The following TLL1 variants were observed in gnomAD, a reference collection of about 807,000 sequenced individuals.
TLL1 encodes the protein tolloid-like protein 1.
In TLL1, 49 loss-of-function variants were observed where a neutral mutation model predicts 128.2. The observed-to-expected ratio is 0.38, with a 90% CI of 0.30 to 0.48. TLL1 has a LOEUF of 0.48. Ranked by LOEUF, TLL1 falls within the 20% of genes least tolerant of loss-of-function variation. The probability of loss-of-function intolerance (pLI) is 0.96; values close to 1 mark genes in which losing one functional copy is unlikely to be tolerated. For missense variants in TLL1, 1,123 were observed against 1,242.0 expected (o/e 0.90, Z 1.44); for synonymous variants, 454 against 418.8 (o/e 1.08, Z -1.03).
chr4:166,062,129 T>C (rs1174288484), intron 15 of TLL1, among the ~76,000 whole-genome samples: 1 of 152,184 alleles, frequency 6.6e-6, no homozygotes, highest in African/African-American at 2.4e-5. Context: ...AGCCTTGTAG[T>C]ATAGTTTGAA....
At chr4:166,099,231 T>G in intron 19 of TLL1, 46 bp from the exon 20 acceptor site, 1 of 1,612,858 alleles carries the variant, frequency 6.2e-7, no homozygotes, top group Non-Finnish European at 8.5e-7. Flanking sequence ...ATTGGACCCG[T>G]TAAAGCTCAT....
intron 7 of TLL1, among the ~76,000 whole-genome samples, chr4:166,012,547 G>A (rs903218217): frequency 6.6e-6 from 1 of 151,542 alleles, no homozygotes; most frequent in Admixed American, 6.6e-5. Context: ...AAAAGAAAAT[G>A]GTAAATGCTT....
chr4:166,053,093 G>T (rs1739835605), intron 12 of TLL1: 1 of 150,570 alleles, frequency 6.6e-6, no homozygotes, highest in Admixed American at 6.6e-5. Flanking sequence ...TCCCATAATT[G>T]TACACTCACA....
At chr4:165,973,583 C>T (rs1735729534) in intron 1 of TLL1, among the ~76,000 whole-genome samples, 2 of 151,598 alleles carry the variant, frequency 1.3e-5, no homozygotes, top group South Asian at 4.2e-4. Flanking sequence ...GAGGTAAGGG[C>T]AGATCTTGAG....
intron 1 of TLL1, among the ~76,000 whole-genome samples, chr4:165,968,569 A>C (rs1278271097): frequency 1.3e-5 from 2 of 152,194 alleles, no homozygotes; most frequent in African/African-American, 4.8e-5. Flanking sequence ...TTTTTGCCAA[A>C]ATAGTTAGGT....
intron 6 of TLL1, among the ~76,000 whole-genome samples, chr4:166,006,055 A>C (rs1737411962): frequency 1.3e-5 from 2 of 151,872 alleles, no homozygotes; most frequent in East Asian, 1.9e-4. Context: ...ATCTTCAAAA[A>C]ATTTATGATT....
chr4:165,873,783 TC>T lies in TLL1; in HGVS notation c.-119del. On this transcript the variant is annotated 5_prime_UTR_variant, in exon 1 of 21. Transcript: ENST00000061240. Reference sequence around the variant, plus strand: ...GTTTCCGGACACCTGAGCACCCCGGTCCCGCCGAGGAGCCTCCGGGTGGGGA... The same window carrying T: ...GTTTCCGGACACCTGAGCACCCCGGTCCGCCGAGGAGCCTCCGGGTGGGGA... The T allele has an allele frequency of 8.9e-7, 1 of 1,118,326 alleles. No individual in the cohort carries two copies. The highest frequency in any genetic ancestry group is 1.3e-6 in the Non-Finnish European group (1 of 755,156). 69.3% of individuals were successfully genotyped at this position (1,118,326 alleles called of 1,614,324 possible).
intron 19 of TLL1, 64 bp downstream of exon 19, chr4:166,091,405 T>C: frequency 7.0e-7 from 1 of 1,429,670 alleles, no homozygotes; most frequent in Non-Finnish European, 9.7e-7. Context: ...TCTGGTGAAT[T>C]TGGTTCAATA....
intron 12 of TLL1, chr4:166,053,425 A>C (rs2111108734): frequency 6.6e-6 from 1 of 152,202 alleles, no homozygotes; most frequent in South Asian, 2.1e-4. Flanking sequence ...GTAGAATGCA[A>C]GCACCAGGAG....
Position 165,995,147 on chromosome 4 carries a change from A to G in TLL1, c.601A>G (p.Ser201Gly). 1 of 1,613,968 alleles carries G rather than the reference A, an allele frequency of 6.2e-7. No homozygotes were observed. The highest frequency in any genetic ancestry group is 8.5e-7 in the Non-Finnish European group (1 of 1,179,886). Residue 201 changes from serine to glycine, a missense_variant, in exon 5 of 21, where the codon AGT becomes GGT. Ser to Gly is a moderately conservative substitution (Grantham distance 56). Transcript: ENST00000061240. ...VTFIERSDEE[S>G]YIVFTYRPCG... ...TTTCATAGAAAGAAGTGATGAAGAG[A>G]GTTACATTGTATTCACCTATAGGCC...
rs1740439610 is a variant in TLL1 at position 166,063,661 on chromosome 4, A to G, written c.2008-2022A>G. Among the ~76,000 whole-genome samples the G allele has an allele frequency of 4.6e-5, 7 of 152,336 alleles. No homozygotes were observed. In the South Asian group the frequency reaches 1.4e-3, roughly 32 times the overall value. ...ATACACCATGGAATACTATGCAGCC[A>G]TAAAAAATGATGAGTTCATGTCCTT... On this transcript the variant is annotated intron_variant, in intron 15 of 20. Transcript: ENST00000061240.
intron 1 of TLL1, among the ~76,000 whole-genome samples, chr4:165,902,799 C>T (rs1732060957): frequency 6.6e-6 from 1 of 152,116 alleles, no homozygotes; most frequent in Non-Finnish European, 1.5e-5. Context: ...AAAACCTACC[C>T]CCAAAATGTT....
intron 7 of TLL1, among the ~76,000 whole-genome samples, chr4:166,008,686 T>C (rs1236957557): frequency 6.6e-6 from 1 of 151,610 alleles, no homozygotes; most frequent in Non-Finnish European, 1.5e-5. Context: ...TACTTCATTC[T>C]AAAGATGATG....
intron 1 of TLL1, among the ~76,000 whole-genome samples, chr4:165,963,126 A>G (rs992334339): frequency 1.2e-4 from 18 of 151,754 alleles, no homozygotes; most frequent in Admixed American, 3.3e-4. Flanking sequence ...GATGGGAACA[A>G]TAGATCAATA....
chr4:165,923,837 T>C (rs1053640257), intron 1 of TLL1, among the ~76,000 whole-genome samples: 1 of 152,198 alleles, frequency 6.6e-6, no homozygotes, highest in Non-Finnish European at 1.5e-5. Context: ...AATGCCATTT[T>C]TCTAACAATA....
intron 1 of TLL1, among the ~76,000 whole-genome samples, chr4:165,964,116 AAAAG>A (rs777161564): frequency 1.3e-5 from 2 of 152,174 alleles, no homozygotes; most frequent in Non-Finnish European, 2.9e-5. Flanking sequence ...TAAGTGCTTC[AAAAG>A]AAAGATACTA....
chr4:165,945,829 C>G (rs991159702), intron 1 of TLL1, among the ~76,000 whole-genome samples: 1 of 152,084 alleles, frequency 6.6e-6, no homozygotes, highest in African/African-American at 2.4e-5. Flanking sequence ...TTCAGTCAAG[C>G]TAATCCAGGT....
intron 16 of TLL1, among the ~76,000 whole-genome samples, chr4:166,073,290 GTCCACCCAT>G (rs1740873504): frequency 6.6e-6 from 1 of 152,072 alleles, no homozygotes; most frequent in African/African-American, 2.4e-5. Flanking sequence ...ATCGTTTACT[GTCCACCCAT>G]TCTGTAGAAG....
At chr4:165,996,130 C>A (rs1736864278) in intron 5 of TLL1, among the ~76,000 whole-genome samples, 1 of 152,118 alleles carries the variant, frequency 6.6e-6, no homozygotes, top group Middle Eastern at 3.4e-3. Context: ...TCATTCTTAC[C>A]CATTCCTGAG....
Sources: gnomAD v4.1 joint callset for allele counts (sites outside exome capture counted in the v4.1 genomes callset) on GRCh38, gnomAD v4.1.1 for gene constraint, MANE v1.5 for transcripts, NCBI Gene and HGNC (gene_info 2026-07-23, HGNC 2026-07-21) for gene names.